The following SLC24A2 variants were observed in gnomAD, a reference collection of about 807,000 sequenced individuals.
SLC24A2 encodes sodium/potassium/calcium exchanger 2.
SLC24A2 carries 36 observed loss-of-function variants against 62.0 expected under a neutral mutation model. That is an observed-to-expected ratio of 0.58 (90% CI 0.44 to 0.77). The LOEUF is 0.77. Among genes scored for constraint, SLC24A2 ranks in the 30% least tolerant of loss-of-function variants. The probability of loss-of-function intolerance (pLI) is 0.00; values close to 1 mark genes in which losing one functional copy is unlikely to be tolerated. For synonymous variants in SLC24A2, 358 were observed against 294.0 expected, an observed-to-expected ratio of 1.22 and a Z score of -2.23; for missense variants, 846 against 817.9, an observed-to-expected ratio of 1.03 and a Z score of -0.42.
the SLC24A2 span, among the ~76,000 whole-genome samples, chr9:20,076,289 G>C: frequency 6.6e-6 from 1 of 152,150 alleles, no homozygotes; most frequent in Non-Finnish European, 1.5e-5. Flanking sequence ...AAAAACTAGA[G>C]AGAGCTACCT....
At chr9:19,676,528 AT>A (rs1196091986) in intron 2 of SLC24A2, among the ~76,000 whole-genome samples, 1 of 151,914 alleles carries the variant, frequency 6.6e-6, no homozygotes, top group Admixed American at 6.6e-5. Flanking sequence ...TATATCTTCT[AT>A]TTTTTTTCCC....
the SLC24A2 span, among the ~76,000 whole-genome samples, chr9:20,128,384 T>C: frequency 6.6e-6 from 1 of 152,146 alleles, no homozygotes; most frequent in Admixed American, 6.6e-5. Flanking sequence ...GATGTTAAGA[T>C]TCAAGTAAAT....
chr9:19,974,933 C>T, the SLC24A2 span, among the ~76,000 whole-genome samples: 1 of 152,174 alleles, frequency 6.6e-6, no homozygotes, highest in Non-Finnish European at 1.5e-5. Context: ...GTCACAAACT[C>T]ATATGGCAGT....
chr9:19,726,066 G>T (rs1821159591), intron 2 of SLC24A2, among the ~76,000 whole-genome samples: 1 of 152,140 alleles, frequency 6.6e-6, no homozygotes, highest in African/African-American at 2.4e-5. Context: ...CTCAGCTCTA[G>T]CGAGGCCACA....
intron 9 of SLC24A2, among the ~76,000 whole-genome samples, chr9:19,524,957 G>A (rs1237049209): frequency 2.0e-5 from 3 of 152,078 alleles, no homozygotes; most frequent in East Asian, 3.8e-4. Flanking sequence ...AGTACATGAA[G>A]AAATAGAAGA....
At chr9:20,108,693 T>A in the SLC24A2 span, among the ~76,000 whole-genome samples, 11 of 127,810 alleles carry the variant, frequency 8.6e-5, no homozygotes, top group Non-Finnish European at 3.3e-5. Context: ...CTTTGGGGAC[T>A]GTTGTCGGGT....
At chr9:20,174,313 G>A in the SLC24A2 span, among the ~76,000 whole-genome samples, 2 of 151,678 alleles carry the variant, frequency 1.3e-5, no homozygotes, top group African/African-American at 2.4e-5. Flanking sequence ...ACCAAGAACC[G>A]AAAAGCAAAA....
the SLC24A2 span, among the ~76,000 whole-genome samples, chr9:20,281,370 G>A: frequency 2.6e-5 from 4 of 152,052 alleles, no homozygotes; most frequent in East Asian, 5.8e-4. Flanking sequence ...CATATCATTA[G>A]GATAGAGCTT....
rs567693609 is a variant in SLC24A2, at chr9:19,703,111, G to A, written c.931-80812C>T. Among the ~76,000 whole-genome samples the A allele has an allele frequency of 4.6e-5, 7 of 152,208 alleles. No individual in the cohort carries two copies. The South Asian group carries it at 1.5e-3, about 32-fold the overall frequency. On this transcript the variant is annotated intron_variant, in intron 2 of 10. Coordinates refer to ENST00000341998, the MANE Select transcript of SLC24A2 (RefSeq NM_020344.4). ...TGTGTGTACTAGAGAGAAAGAGAGA[G>A]AGAGATACTCGCATATCTTATATCA...
chr9:19,846,425 G>A, the SLC24A2 span, among the ~76,000 whole-genome samples: 2 of 151,948 alleles, frequency 1.3e-5, no homozygotes, highest in African/African-American at 4.8e-5. Flanking sequence ...TGTTCTTTTC[G>A]TTTTCCATTT....
chr9:19,597,614 C>A (rs1397945201), intron 4 of SLC24A2, among the ~76,000 whole-genome samples: 1 of 152,164 alleles, frequency 6.6e-6, no homozygotes, highest in African/African-American at 2.4e-5. Flanking sequence ...AGAGGTGACA[C>A]TCCGAGAGAA....
chr9:20,261,973 C>T, the SLC24A2 span, among the ~76,000 whole-genome samples: 2 of 151,988 alleles, frequency 1.3e-5, no homozygotes, highest in East Asian at 1.9e-4. Flanking sequence ...CTCCTGACCT[C>T]GTGATCCGCC....
At chr9:19,592,806 A>G (rs1364763637) in intron 5 of SLC24A2, among the ~76,000 whole-genome samples, 1 of 152,218 alleles carries the variant, frequency 6.6e-6, no homozygotes, top group Non-Finnish European at 1.5e-5. Context: ...GAAATAAGCT[A>G]TGCATTATTA....
the SLC24A2 span, among the ~76,000 whole-genome samples, chr9:20,100,208 T>G: frequency 2.0e-5 from 3 of 151,904 alleles, no homozygotes; most frequent in African/African-American, 2.4e-5. Flanking sequence ...TTGTTTGTTT[T>G]TTTTGTTTTT....
At chr9:19,753,036 G>A (rs1224766537) in intron 2 of SLC24A2, among the ~76,000 whole-genome samples, 1 of 152,202 alleles carries the variant, frequency 6.6e-6, no homozygotes, top group Admixed American at 6.5e-5. Context: ...GGAGGTCCCT[G>A]ATCCCTCAGG....
At chr9:20,097,655 C>T in the SLC24A2 span, among the ~76,000 whole-genome samples, 2 of 150,146 alleles carry the variant, frequency 1.3e-5, no homozygotes, top group Non-Finnish European at 3.0e-5. Flanking sequence ...AAGACAGTCC[C>T]AATGTGGTTG....
chr9:20,271,994 C>T, the SLC24A2 span, among the ~76,000 whole-genome samples: 6 of 152,116 alleles, frequency 3.9e-5, no homozygotes, highest in African/African-American at 4.8e-5. Flanking sequence ...ACTATTAGAT[C>T]GCATTCACTT....
chr9:20,266,168 T>C, the SLC24A2 span, among the ~76,000 whole-genome samples: 2 of 152,164 alleles, frequency 1.3e-5, no homozygotes, highest in African/African-American at 4.8e-5. Flanking sequence ...AAGCATGTGA[T>C]CTCTGTGACC....
chr9:19,927,128 ACCTGGCAGAGAGT>A, the SLC24A2 span: 10 of 152,222 alleles, frequency 6.6e-5, no homozygotes, highest in Admixed American at 6.5e-4. Flanking sequence ...TTCCAGCCGG[ACCTGGCAGAGAGT>A]CCTGGAAGCC....
Sources: allele counts gnomAD v4.1 joint callset (sites outside exome capture counted in the v4.1 genomes callset), GRCh38; gene constraint gnomAD v4.1.1; transcripts MANE v1.5; gene names NCBI Gene and HGNC (gene_info 2026-07-23, HGNC 2026-07-21).